The following CWF19L2 variants were observed in gnomAD, a reference collection of about 807,000 sequenced individuals.
CWF19L2 encodes CWF19 like cell cycle control factor 2.
A neutral mutation model predicts 111.7 loss-of-function variants in CWF19L2; 98 were observed. That is an observed-to-expected ratio of 0.88 (90% CI 0.75 to 1.04). The LOEUF (loss-of-function observed/expected upper bound fraction) is 1.04, where lower values mean the gene tolerates loss of function less well. CWF19L2 is among the 50% of genes least tolerant of loss of function. CWF19L2 has a pLI of 0.00. For synonymous variants in CWF19L2, 351 were observed against 342.9 expected (o/e 1.02, Z -0.26); for missense variants, 1,101 against 1,051.4 (o/e 1.05, Z -0.65).
rs1860085160 is a variant in CWF19L2 at position 107,346,679 on chromosome 11, C to A, written c.2202+2258G>T. 2.0e-5 allele frequency among the ~76,000 whole-genome samples: 3 copies of A among 152,254 alleles called. No homozygotes were observed. In the South Asian group the frequency reaches 6.2e-4, roughly 32 times the overall value. On this transcript the variant is annotated intron_variant, in intron 14 of 17. Transcript: ENST00000282251. ...ATGATCAGAACACTACAGGATTCTC[C>A]TCTGGAAAAGGTAAAACAAGGTAGC...
In CWF19L2 at chr11:107,433,656, T is replaced by C. The variant is rs774330809; in HGVS notation, c.758A>G (p.Asp253Gly). ...CACCCCATATCTTTCGGCTACAATG[T>C]CCTCAAAGTTTCTACTTTGTTTCTC... ...QAEKQSRNFE[D>G]IVAERYGSME... is the part of the protein sequence containing the mutation. Residue 253 changes from aspartate (D) to glycine (G), a missense_variant, in exon 7 of 18, where the codon GAC (aspartate) becomes GGC (glycine). Coordinates refer to ENST00000282251, the MANE Select transcript of CWF19L2 (RefSeq NM_152434.3). The C allele has an allele frequency of 3.2e-6, 5 of 1,570,558 alleles. No individual in the cohort carries two copies. Among genetic ancestry groups the C allele is most frequent in the African/African-American group, 1.4e-5 (1 of 73,020 alleles).
At chr11:107,410,192 A>C (rs1861136832) in intron 10 of CWF19L2, among the ~76,000 whole-genome samples, 1 of 152,160 alleles carries the variant, frequency 6.6e-6, no homozygotes, top group Admixed American at 6.5e-5. Context: ...TCAAAGAGCA[A>C]AATTTCCATC....
chr11:107,396,389 G>C (rs1333591250), intron 10 of CWF19L2, among the ~76,000 whole-genome samples: 2 of 151,956 alleles, frequency 1.3e-5, no homozygotes, highest in Non-Finnish European at 2.9e-5. Context: ...CATTTTATAA[G>C]GACACTTTAA....
At chr11:107,349,166 AT>A (rs1371466381) in intron 13 of CWF19L2, 113 bp from the exon 14 acceptor site, 20 of 417,480 alleles carry the variant, frequency 4.8e-5, no homozygotes, top group Non-Finnish European at 8.7e-5. Flanking sequence ...GTAGAAAAAA[AT>A]GATGAATATT....
intron 5 of CWF19L2, among the ~76,000 whole-genome samples, chr11:107,440,714 A>T (rs1051510543): frequency 1.2e-4 from 19 of 152,346 alleles, no homozygotes; most frequent in African/African-American, 4.6e-4. Flanking sequence ...TCTATAAATC[A>T]GTTAGAAAAA....
At chr11:107,415,707 G>C (rs925655284) in intron 10 of CWF19L2, among the ~76,000 whole-genome samples, 1 of 152,162 alleles carries the variant, frequency 6.6e-6, no homozygotes, top group Non-Finnish European at 1.5e-5. Context: ...CACACTGATA[G>C]AATGTAAGAG....
intron 10 of CWF19L2, among the ~76,000 whole-genome samples, chr11:107,410,304 G>A (rs1406203691): frequency 6.6e-6 from 1 of 151,980 alleles, no homozygotes; most frequent in African/African-American, 2.4e-5. Context: ...ACTTTGAAAG[G>A]TAATCAAGGC....
At chr11:107,417,847 C>T (rs1861249416) in intron 9 of CWF19L2, among the ~76,000 whole-genome samples, 1 of 151,848 alleles carries the variant, frequency 6.6e-6, no homozygotes, top group African/African-American at 2.4e-5. Context: ...GCAATCTCCG[C>T]CTCCCAGGTT....
chr11:107,344,683 A>G (rs1404239550), intron 14 of CWF19L2, among the ~76,000 whole-genome samples: 10 of 152,308 alleles, frequency 6.6e-5, no homozygotes, highest in South Asian at 2.1e-4. Flanking sequence ...TTTGTCAGAT[A>G]ATTAGAACAT....
At chr11:107,362,432 G>A (rs1860366957) in intron 12 of CWF19L2, among the ~76,000 whole-genome samples, 1 of 152,008 alleles carries the variant, frequency 6.6e-6, no homozygotes, top group Non-Finnish European at 1.5e-5. Context: ...CTGTCTGACA[G>A]CTTTGAAGAC....
intron 14 of CWF19L2, among the ~76,000 whole-genome samples, chr11:107,339,158 G>A (rs1859970117): frequency 6.6e-6 from 1 of 152,122 alleles, no homozygotes; most frequent in Non-Finnish European, 1.5e-5. Flanking sequence ...GTTGTTTCAT[G>A]CATCAACAAT....
chr11:107,402,868 G>GGTGTGT lies in CWF19L2; in HGVS notation c.1618-9979_1618-9974dup, dbSNP rs1290211766. On this transcript the variant is annotated intron_variant, in intron 10 of 17. Coordinates refer to ENST00000282251, the MANE Select transcript of CWF19L2 (RefSeq NM_152434.3). ...ATCAACGAGTGGATAAACAAACTGT[G>GGTGTGT]GTGTGTATATATATATATATATATA... is the stretch of plus-strand genomic sequence containing the variant. Among the ~76,000 whole-genome samples the GGTGTGT allele has an allele frequency of 2.4e-3, 103 of 42,640 alleles. 1 individual carries two copies. Among genetic ancestry groups the GGTGTGT allele is most frequent in the East Asian group, 5.6e-3 (11 of 1,976 alleles). The allele number at this position is 42,640 out of a possible 152,430, so 28.0% of individuals were successfully genotyped here.
intron 10 of CWF19L2, chr11:107,404,656 A>C: frequency 2.2e-6 from 1 of 461,720 alleles, no homozygotes; most frequent in South Asian, 1.9e-5. Flanking sequence ...CAGATACTTA[A>C]AACTTAACTG....
chr11:107,438,208 C>T (rs1382220080), intron 6 of CWF19L2, among the ~76,000 whole-genome samples: 3 of 152,122 alleles, frequency 2.0e-5, no homozygotes, highest in African/African-American at 7.2e-5. Context: ...AAGAGAACAT[C>T]ACAATTTGTA....
At chr11:107,427,064 A>G (rs644954) in intron 8 of CWF19L2, among the ~76,000 whole-genome samples, 1 of 151,958 alleles carries the variant, frequency 6.6e-6, no homozygotes, top group African/African-American at 2.4e-5. Context: ...AGAAAGGTAA[A>G]GATATATGAA....
chr11:107,398,574 G>T (rs1455539124), intron 10 of CWF19L2, among the ~76,000 whole-genome samples: 2 of 152,160 alleles, frequency 1.3e-5, no homozygotes, highest in African/African-American at 4.8e-5. Flanking sequence ...GTATACCTGA[G>T]GAAGAAGAGA....
At chr11:107,368,528 T>A in intron 12 of CWF19L2, among the ~76,000 whole-genome samples, 1 of 137,978 alleles carries the variant, frequency 7.2e-6, no homozygotes, top group Non-Finnish European at 1.6e-5. Flanking sequence ...TCATGAATAA[T>A]CATATACAGA....
intron 10 of CWF19L2, among the ~76,000 whole-genome samples, chr11:107,409,370 C>T (rs1861126001): frequency 6.6e-6 from 1 of 152,022 alleles, no homozygotes; most frequent in South Asian, 2.1e-4. Flanking sequence ...AAGAGAATGT[C>T]CATAAACCCC....
At chr11:107,443,913 C>G (rs1861666581) in intron 3 of CWF19L2, among the ~76,000 whole-genome samples, 1 of 152,166 alleles carries the variant, frequency 6.6e-6, no homozygotes, top group Admixed American at 6.5e-5. Context: ...CCGCCCAAAA[C>G]ATTTATGGCT....
Sources: allele counts gnomAD v4.1 joint callset (sites outside exome capture counted in the v4.1 genomes callset), GRCh38; gene constraint gnomAD v4.1.1; transcripts MANE v1.5; gene names NCBI Gene and HGNC (gene_info 2026-07-23, HGNC 2026-07-21).